The following MTHFD1L variants were observed in gnomAD, a reference collection of about 807,000 sequenced individuals.
MTHFD1L encodes methylenetetrahydrofolate dehydrogenase (NADP+ dependent) 1 like, also known as monofunctional C1-tetrahydrofolate synthase, mitochondrial.
MTHFD1L carries 81 observed loss-of-function variants against 119.5 expected under a neutral mutation model. That is an observed-to-expected ratio of 0.68 (90% CI 0.57 to 0.82). MTHFD1L has a LOEUF of 0.82. MTHFD1L is among the 40% of genes least tolerant of loss of function. The pLI is 0.00. For missense variants in MTHFD1L, 1,125 were observed against 1,253.4 expected, an observed-to-expected ratio of 0.90 and a Z score of 1.55; for synonymous variants, 430 against 475.2, an observed-to-expected ratio of 0.90 and a Z score of 1.24.
chr6:150,975,757 G>C (rs1254090427), intron 20 of MTHFD1L, among the ~76,000 whole-genome samples: 1 of 152,154 alleles, frequency 6.6e-6, no homozygotes, highest in African/African-American at 2.4e-5. Context: ...GGCATGAAAT[G>C]GTGCCCATGT....
At chr6:150,882,084 T>C (rs1781476520) in intron 4 of MTHFD1L, among the ~76,000 whole-genome samples, 1 of 152,254 alleles carries the variant, frequency 6.6e-6, no homozygotes, top group Non-Finnish European at 1.5e-5. Flanking sequence ...AAAGCATTGC[T>C]TATTTAGAGA....
intron 20 of MTHFD1L, among the ~76,000 whole-genome samples, chr6:151,000,494 C>G (rs1780470287): frequency 2.6e-5 from 4 of 152,112 alleles, no homozygotes; most frequent in Admixed American, 1.3e-4. Context: ...TAGACAAATC[C>G]TAAAGAGCAG....
chr6:150,957,751 A>G (rs1318652160), intron 17 of MTHFD1L, among the ~76,000 whole-genome samples: 1 of 152,200 alleles, frequency 6.6e-6, no homozygotes, highest in Non-Finnish European at 1.5e-5. Flanking sequence ...TGTAAAAACC[A>G]TTTTAAAACT....
At chr6:151,025,235 G>T (rs1784466159) in intron 24 of MTHFD1L, among the ~76,000 whole-genome samples, 1 of 152,356 alleles carries the variant, frequency 6.6e-6, no homozygotes, top group Middle Eastern at 3.4e-3. Flanking sequence ...GAGCCCACAG[G>T]GCTCCATGCC....
intron 20 of MTHFD1L, among the ~76,000 whole-genome samples, chr6:151,005,553 A>G (rs1009245266): frequency 6.6e-6 from 1 of 152,090 alleles, no homozygotes; most frequent in African/African-American, 2.4e-5. Context: ...AGTTCTCTTT[A>G]TTACTACTTT....
At chr6:151,054,642 G>A (rs1789601374) in intron 26 of MTHFD1L, among the ~76,000 whole-genome samples, 1 of 152,072 alleles carries the variant, frequency 6.6e-6, no homozygotes, top group Non-Finnish European at 1.5e-5. Flanking sequence ...TTTTTCCCCT[G>A]CATCTTCTCT....
chr6:151,078,009 C>T (rs564456818), intron 26 of MTHFD1L, among the ~76,000 whole-genome samples: 33 of 127,470 alleles, frequency 2.6e-4, no homozygotes, highest in African/African-American at 8.3e-4. Flanking sequence ...GCCAAGATCG[C>T]GCCACTGCAC....
intron 20 of MTHFD1L, among the ~76,000 whole-genome samples, chr6:150,983,040 T>C (rs1777766895): frequency 6.6e-6 from 1 of 152,224 alleles, no homozygotes; most frequent in East Asian, 1.9e-4. Context: ...CTTGCTAATC[T>C]GATGGTAGTT....
intron 24 of MTHFD1L, among the ~76,000 whole-genome samples, chr6:151,028,201 G>A (rs1359166710): frequency 6.6e-6 from 1 of 152,160 alleles, no homozygotes. Flanking sequence ...TGTCCTACAG[G>A]AAGTAAACCA....
chr6:150,884,350 C>G lies in MTHFD1L; in HGVS notation c.543-1284C>G, dbSNP rs552633700. Among the ~76,000 whole-genome samples the G allele has an allele frequency of 4.5e-4, 68 of 152,102 alleles. No individual in the cohort carries two copies. The East Asian group carries it at 0.012, about 27-fold the overall frequency. ...AGAGACGAGGTTTCACCGTGTTAGC[C>G]AGGATGGTCTCGATCTCCTGACCTC... On this transcript the variant is annotated intron_variant, in intron 5 of 27. Coordinates refer to ENST00000367321, the MANE Select transcript of MTHFD1L (RefSeq NM_015440.5).
chr6:150,866,433 G>A (rs1307982065), intron 1 of MTHFD1L: 37 of 1,342,550 alleles, frequency 2.8e-5, no homozygotes, highest in Non-Finnish European at 3.5e-5. Context: ...GAGGGGGCGA[G>A]GAGCAGGAGG....
At chr6:151,071,420 G>A (rs1027665910) in intron 26 of MTHFD1L, among the ~76,000 whole-genome samples, 5 of 152,064 alleles carry the variant, frequency 3.3e-5, no homozygotes, top group African/African-American at 7.2e-5. Context: ...TGGGCTGATC[G>A]TACTGCTCTA....
intron 1 of MTHFD1L, among the ~76,000 whole-genome samples, chr6:150,869,287 A>C (rs1001517500): frequency 6.6e-6 from 1 of 152,048 alleles, no homozygotes; most frequent in Non-Finnish European, 1.5e-5. Flanking sequence ...TTTAAGCCCC[A>C]CATGCATTAG....
chr6:151,010,833 T>C (rs1782107285), intron 21 of MTHFD1L, among the ~76,000 whole-genome samples: 1 of 152,250 alleles, frequency 6.6e-6, no homozygotes, highest in South Asian at 2.1e-4. Flanking sequence ...GATTTCTTAA[T>C]TGGTATACTG....
intron 20 of MTHFD1L, among the ~76,000 whole-genome samples, chr6:150,988,473 A>G (rs1778609476): frequency 6.6e-6 from 1 of 152,244 alleles, no homozygotes; most frequent in Non-Finnish European, 1.5e-5. Flanking sequence ...AGAAAACATA[A>G]CAGAATTTTG....
chr6:151,055,221 G>A (rs370045004), intron 26 of MTHFD1L, among the ~76,000 whole-genome samples: 1 of 152,018 alleles, frequency 6.6e-6, no homozygotes, highest in Non-Finnish European at 1.5e-5. Flanking sequence ...AGCCTAGTTC[G>A]CGCCACTGGA....
intron 20 of MTHFD1L, among the ~76,000 whole-genome samples, chr6:151,004,008 T>TAAA (rs397886081): frequency 5.6e-5 from 7 of 126,048 alleles, no homozygotes; most frequent in East Asian, 2.5e-4. Context: ...TGCTTTTTTT[T>TAAA]AAAAAAAAAA....
chr6:151,046,769 G>T (rs1435003843), intron 26 of MTHFD1L, among the ~76,000 whole-genome samples: 3 of 151,956 alleles, frequency 2.0e-5, no homozygotes, highest in Non-Finnish European at 4.4e-5. Flanking sequence ...AGCAATATAT[G>T]CAAGGGAAAT....
chr6:150,944,529 C>T lies in MTHFD1L; in HGVS notation c.1484C>T (p.Ala495Val). 1 of 1,614,096 alleles carries T rather than the reference C, an allele frequency of 6.2e-7. No individual in the cohort carries two copies. Among genetic ancestry groups the T allele is most frequent in the Non-Finnish European group, 8.5e-7 (1 of 1,180,004 alleles). ...GGAGACATCCACGCCATCACCGCTG[C>T]CAATAACTTGCTGGCTGCCGCCATC... is the stretch of plus-strand genomic sequence containing the variant. Reference protein sequence around the residue: ...LTGDIHAITAANNLLAAAIDT... With the variant: ...LTGDIHAITAVNNLLAAAIDT... Residue 495 changes from alanine to valine, a missense_variant, in exon 14 of 28, where the codon GCC (alanine) becomes GTC (valine). This residue lies in a region of MTHFD1L where 1,058 missense variants were observed against 1,151.2 expected (regional missense o/e 0.92). Transcript: ENST00000367321.
Sources: allele counts gnomAD v4.1 joint callset (sites outside exome capture counted in the v4.1 genomes callset), GRCh38; gene constraint gnomAD v4.1.1; regional missense constraint gnomAD v4.1.1; transcripts MANE v1.5; gene names NCBI Gene and HGNC (gene_info 2026-07-23, HGNC 2026-07-21).